SREBF2: variants seen among roughly 807,000 people sequenced by gnomAD.
The protein encoded by SREBF2 is sterol regulatory element-binding protein 2.
A neutral mutation model predicts 113.1 loss-of-function variants in SREBF2; 55 were observed. That is an observed-to-expected ratio of 0.49 (90% CI 0.39 to 0.61). The LOEUF is 0.61. SREBF2 is among the 20% of genes least tolerant of loss of function. SREBF2 has a pLI of 0.00. For synonymous variants in SREBF2, 593 were observed against 605.7 expected (o/e 0.98, Z 0.31); for missense variants, 1,349 against 1,487.4 (o/e 0.91, Z 1.53).
chr22:41,887,697 C>G (rs1341340906), intron 11 of SREBF2, among the ~76,000 whole-genome samples: 1 of 152,178 alleles, frequency 6.6e-6, no homozygotes, highest in Non-Finnish European at 1.5e-5. Flanking sequence ...ACACATCTTT[C>G]AGGAAACGTG....
intron 3 of SREBF2, among the ~76,000 whole-genome samples, 193 bp from the exon 4 acceptor site, chr22:41,870,696 G>C (rs534115086): frequency 6.7e-6 from 1 of 149,660 alleles, no homozygotes; most frequent in South Asian, 2.1e-4. Context: ...ACCTGAACCC[G>C]GTATTCAGGC....
Position 41,906,693 on chromosome 22 carries a change from G to A in SREBF2, c.*1033G>A, listed in dbSNP as rs1185257681. 3.9e-5 allele frequency: 6 copies of A among 152,222 alleles called. No homozygotes were observed. Among genetic ancestry groups the A allele is most frequent in the Non-Finnish European group, 8.8e-5 (6 of 68,062 alleles). 9.4% of individuals were successfully genotyped at this position (152,222 alleles called of 1,614,324 possible). A position where few individuals can be genotyped will look rare whatever the true frequency, so the allele number is the denominator to read the frequency against. ...CCCCATGGTAAGTTGAGGCATATCT[G>A]TATATATTTAAACCTAATTAATTCT... is the stretch of plus-strand genomic sequence containing the variant. On this transcript the variant is annotated 3_prime_UTR_variant, in exon 19 of 19. Transcript: ENST00000361204.
chr22:41,869,449 T>C (rs2077118548), intron 3 of SREBF2, among the ~76,000 whole-genome samples: 1 of 143,384 alleles, frequency 7.0e-6, no homozygotes, highest in Non-Finnish European at 1.5e-5. Context: ...ATATATTGGG[T>C]TGGGGGGAGG....
chr22:41,843,275 C>T (rs1019767765), intron 1 of SREBF2, among the ~76,000 whole-genome samples: 4 of 152,176 alleles, frequency 2.6e-5, no homozygotes, highest in Non-Finnish European at 4.4e-5. Context: ...ACTTTTTGAT[C>T]GTTCACCAGG....
At chr22:41,903,617 G>T (rs188567215) in intron 17 of SREBF2, among the ~76,000 whole-genome samples, 14 of 152,236 alleles carry the variant, frequency 9.2e-5, no homozygotes, top group Non-Finnish European at 1.8e-4. Flanking sequence ...ACTAAGTCAC[G>T]GAGGAAAGTT....
chr22:41,880,684 A>C (rs1210952193), intron 9 of SREBF2, 32 bp from the exon 10 acceptor site: 15 of 1,614,004 alleles, frequency 9.3e-6, no homozygotes, highest in Non-Finnish European at 1.3e-5. Context: ...GAGCAAGGCC[A>C]GTGACCATTA....
At chr22:41,859,547 A>G (rs932953572) in intron 1 of SREBF2, among the ~76,000 whole-genome samples, 4 of 152,212 alleles carry the variant, frequency 2.6e-5, no homozygotes, top group Non-Finnish European at 5.9e-5. Flanking sequence ...TTCTGGATGT[A>G]TCTGATGCAT....
chr22:41,866,305 C>T (rs1210361653), intron 1 of SREBF2, among the ~76,000 whole-genome samples: 1 of 151,828 alleles, frequency 6.6e-6, no homozygotes, highest in East Asian at 1.9e-4. Context: ...AATCCCAGCA[C>T]TTTGGGAGGC....
intron 1 of SREBF2, among the ~76,000 whole-genome samples, chr22:41,836,882 C>T (rs1482497912): frequency 6.6e-6 from 1 of 152,122 alleles, no homozygotes; most frequent in Non-Finnish European, 1.5e-5. Flanking sequence ...GAGGTGCAGG[C>T]AGGCAAGGAT....
chr22:41,864,165 C>T (rs9623461), intron 1 of SREBF2, among the ~76,000 whole-genome samples: 14,726 of 142,824 alleles, frequency 0.1, 1,363 homozygotes, highest in African/African-American at 0.25. Flanking sequence ...AAGCATAAGC[C>T]ACCACCCCTG....
At chr22:41,851,847 G>A (rs1380656281) in intron 1 of SREBF2, among the ~76,000 whole-genome samples, 2 of 151,574 alleles carry the variant, frequency 1.3e-5, no homozygotes, top group African/African-American at 2.4e-5. Flanking sequence ...GCGGCCGGGC[G>A]CGGTGGCTCA....
intron 16 of SREBF2, among the ~76,000 whole-genome samples, chr22:41,901,682 GC>G (rs2077466625): frequency 6.6e-6 from 1 of 152,160 alleles, no homozygotes; most frequent in African/African-American, 2.4e-5. Flanking sequence ...TGGTGGGGGT[GC>G]CCAAATGCCC....
In SREBF2 at chr22:41,850,098, C is replaced by T. The variant is rs543870831; in HGVS notation, c.89-16733C>T. Among the ~76,000 whole-genome samples, 3 of 151,652 alleles carry T rather than the reference C, an allele frequency of 2.0e-5. No individual in the cohort carries two copies. The South Asian group carries it at 6.2e-4, about 32-fold the overall frequency. On this transcript the variant is annotated intron_variant, in intron 1 of 18. Coordinates refer to ENST00000361204, the MANE Select transcript of SREBF2 (RefSeq NM_004599.4). ...GAGTTTGCAGTGAGCCGAGATTACC[C>T]CACTGCACTCTAGCCTGGGTGACAG...
At position 41,903,047 on chromosome 22, in the gene SREBF2, G is replaced by C. The variant is rs2077478202; in HGVS notation, c.2985G>C (p.Gln995His). The C allele has an allele frequency of 6.2e-7, 1 of 1,608,034 alleles. No individual in the cohort carries two copies. Among genetic ancestry groups the C allele is most frequent in the South Asian group, 1.1e-5 (1 of 89,912 alleles). ...ALWQKQASAS[Q>H]AVGETYHASG... ...GGCAAAAACAGGCCAGTGCCAGCCA[G>C]GCTGTGGGGGAGACCTACCACGCGT... is the stretch of plus-strand genomic sequence containing the variant. Residue 995 changes from glutamine (Q) to histidine (H), a missense_variant, in exon 17 of 19, where the codon CAG (glutamine) becomes CAC (histidine). Gln to His is a conservative substitution (Grantham distance 24, BLOSUM62 0). Coordinates refer to ENST00000361204, the MANE Select transcript of SREBF2 (RefSeq NM_004599.4).
Position 41,900,309 on chromosome 22 carries a change from G to A in SREBF2, c.2739-21G>A, listed in dbSNP as rs200082330. On this transcript the variant is annotated intron_variant, in intron 15 of 18. Coordinates refer to ENST00000361204, the MANE Select transcript of SREBF2 (RefSeq NM_004599.4). ...GGTGACACATAGTGACCTGCCTCTC[G>A]ACTCCCTGTCACTGCTGCAGGAGCC... 1.2e-4 allele frequency: 196 copies of A among 1,609,804 alleles called. 2 individuals are homozygous for A. The Middle Eastern group carries it at 5.8e-3, about 48-fold the overall frequency.
chr22:41,844,202 C>A (rs2076857343), intron 1 of SREBF2, among the ~76,000 whole-genome samples: 2 of 151,956 alleles, frequency 1.3e-5, no homozygotes, highest in South Asian at 4.2e-4. Flanking sequence ...TACCTTAGCT[C>A]ACTTAGTTCT....
chr22:41,845,843 G>C (rs930927977), intron 1 of SREBF2, among the ~76,000 whole-genome samples: 38 of 152,334 alleles, frequency 2.5e-4, no homozygotes, highest in African/African-American at 8.9e-4. Flanking sequence ...TCTCAAACTT[G>C]AATGTGTCTA....
chr22:41,868,612 C>G lies in SREBF2; in HGVS notation c.540C>G (p.Val180=). 5.0e-6 allele frequency: 8 copies of G among 1,614,214 alleles called. No individual in the cohort carries two copies. Among genetic ancestry groups the G allele is most frequent in the South Asian group, 2.2e-5 (2 of 91,062 alleles). ...CCTTCTTTCTCCTCTTCTCCCAAGTCCTTCAGCCTCAAGTCCAAAGCCTGG... is the reference window on the plus strand; with the variant it reads ...CCTTCTTTCTCCTCTTCTCCCAAGTGCTTCAGCCTCAAGTCCAAAGCCTGG... ...IYQNAATSFQ[V]LQPQVQSLVT... Residue 180 remains valine, a splice_region_variant and synonymous_variant, in exon 3 of 19, where the codon GTC becomes GTG. Coordinates refer to ENST00000361204, the MANE Select transcript of SREBF2 (RefSeq NM_004599.4).
rs1194003308 is a variant in SREBF2, at chr22:41,877,186, AC to A, written c.1387-41del. 7 of 1,588,690 alleles carry A rather than the reference AC, an allele frequency of 4.4e-6. No homozygotes were observed. In the Admixed American group the frequency reaches 1.2e-4, roughly 26 times the overall value. On this transcript the variant is annotated intron_variant, in intron 7 of 18. Coordinates refer to ENST00000361204, the MANE Select transcript of SREBF2 (RefSeq NM_004599.4). The stretch of plus-strand genomic sequence containing the variant: ...TATGTATTTATAAAGTGCTGTAAAA[AC>A]CTATGCAGTATTTATTCCAACCTCG...
Sources: allele counts gnomAD v4.1 joint callset (sites outside exome capture counted in the v4.1 genomes callset), GRCh38; gene constraint gnomAD v4.1.1; transcripts MANE v1.5; gene names NCBI Gene and HGNC (gene_info 2026-07-23, HGNC 2026-07-21).